Variants in EXD1 observed in about 807,000 individuals in gnomAD.
The protein encoded by EXD1 is exonuclease 3'-5' domain containing 1.
A neutral mutation model predicts 49.1 loss-of-function variants in EXD1; 63 were observed. The observed-to-expected ratio is 1.28, with a 90% CI of 1.05 to 1.58. The LOEUF is 1.58. Ranked by LOEUF, EXD1 falls within the 40% of genes most tolerant of loss-of-function variation. The pLI is 0.00. For missense variants in EXD1, 748 were observed against 666.0 expected, an observed-to-expected ratio of 1.12 and a Z score of -1.36; for synonymous variants, 234 against 239.2, an observed-to-expected ratio of 0.98 and a Z score of 0.20.
At chr15:41,226,668 T>G in intron 1 of EXD1, 40 bp from the exon 2 acceptor site, 1 of 1,425,906 alleles carries the variant, frequency 7.0e-7, no homozygotes, top group Non-Finnish European at 9.2e-7. Context: ...TTTAAAAGAT[T>G]TTTTGGGAGT....
chr15:41,203,931 A>AAAAAAAAC (rs1213967907), intron 7 of EXD1, among the ~76,000 whole-genome samples: 3 of 146,564 alleles, frequency 2.0e-5, no homozygotes, highest in East Asian at 4.0e-4. Context: ...AAAAAAAAAA[A>AAAAAAAAC]AAAAAAAAAA....
chr15:41,226,759 T>C, intron 1 of EXD1, 131 bp from the exon 2 acceptor site: 1 of 764,688 alleles, frequency 1.3e-6, no homozygotes, highest in South Asian at 2.7e-5. Flanking sequence ...CTTTTTGGAA[T>C]GATGAGAAAA....
chr15:41,189,093 C>T (rs1226678762), intron 11 of EXD1, among the ~76,000 whole-genome samples: 1 of 152,000 alleles, frequency 6.6e-6, no homozygotes, highest in Non-Finnish European at 1.5e-5. Context: ...GGAGGCCAAG[C>T]ACGGTGGCTT....
intron 10 of EXD1, among the ~76,000 whole-genome samples, chr15:41,190,844 C>G (rs2046502414): frequency 6.6e-6 from 1 of 152,164 alleles, no homozygotes; most frequent in Non-Finnish European, 1.5e-5. Flanking sequence ...TCAAAATTCT[C>G]ACAAAAATTT....
intron 11 of EXD1, among the ~76,000 whole-genome samples, chr15:41,185,111 C>T (rs2046388249): frequency 6.6e-6 from 1 of 152,150 alleles, no homozygotes; most frequent in African/African-American, 2.4e-5. Context: ...GGCTGTGTGT[C>T]TCTGTGTGTA....
intron 9 of EXD1, among the ~76,000 whole-genome samples, chr15:41,195,348 T>C (rs28459903): frequency 0.12 from 18,726 of 152,148 alleles, 1,351 homozygotes; most frequent in South Asian, 0.27. Context: ...TTGGGGGGCA[T>C]ATGCAGGACG....
intron 3 of EXD1, 174 bp downstream of exon 3, chr15:41,219,656 G>A: frequency 1.9e-6 from 1 of 534,200 alleles, no homozygotes; most frequent in Non-Finnish European, 3.2e-6. Flanking sequence ...AAACCAAAAT[G>A]ATTATAATTC....
chr15:41,184,544 TG>T lies in EXD1; in HGVS notation c.1105del (p.Gln369ArgfsTer14). ...TGCAGCTTTCTCCCTGCGCTGCTTC[TG>T]GAAGTCCTTGAGTTGAAGCAGTTCC... ...PEELLQLKDF[Q>X]KQRREKAARE... On this transcript the variant is annotated frameshift_variant, in exon 12 of 12. Transcript: ENST00000458580. LOFTEE classifies it low-confidence loss of function (END_TRUNC). 6.2e-7 allele frequency: 1 copy of T among 1,609,262 alleles called. No individual in the cohort carries two copies.
intron 2 of EXD1, among the ~76,000 whole-genome samples, chr15:41,225,750 T>C: frequency 6.6e-6 from 1 of 151,742 alleles, no homozygotes; most frequent in Non-Finnish European, 1.5e-5. Context: ...TAGATAGGCA[T>C]GGTGGTGTGT....
At chr15:41,218,233 C>T (rs1277108692) in intron 3 of EXD1, among the ~76,000 whole-genome samples, 1 of 152,010 alleles carries the variant, frequency 6.6e-6, no homozygotes, top group Non-Finnish European at 1.5e-5. Flanking sequence ...GCCTGTAATC[C>T]CAGCACTTTG....
At chr15:41,201,698 C>T (rs1382628307) in intron 7 of EXD1, among the ~76,000 whole-genome samples, 1 of 151,946 alleles carries the variant, frequency 6.6e-6, no homozygotes, top group Non-Finnish European at 1.5e-5. Flanking sequence ...CCATATTGGC[C>T]AGGCTGGTCT....
chr15:41,203,205 C>T (rs186640868), intron 7 of EXD1, among the ~76,000 whole-genome samples: 2 of 152,132 alleles, frequency 1.3e-5, no homozygotes, highest in South Asian at 2.1e-4. Context: ...GAGCTGGAAA[C>T]AGGGGAATGG....
chr15:41,206,850 G>T (rs2046832772), intron 7 of EXD1, among the ~76,000 whole-genome samples: 1 of 137,230 alleles, frequency 7.3e-6, no homozygotes, highest in Admixed American at 8.1e-5. Flanking sequence ...TCAAACCCCT[G>T]ACCTTGTGAT....
At chr15:41,220,340 G>A (rs986610092) in intron 2 of EXD1, among the ~76,000 whole-genome samples, 7 of 151,188 alleles carry the variant, frequency 4.6e-5, no homozygotes, top group African/African-American at 1.5e-4. Flanking sequence ...GCGCAATCTC[G>A]GCTCACTGCA....
Position 41,191,545 on chromosome 15 carries a change from T to G in EXD1, c.761A>C (p.Tyr254Ser). 6.2e-7 allele frequency: 1 copy of G among 1,614,092 alleles called. No homozygotes were observed. Among genetic ancestry groups the G allele is most frequent in the Non-Finnish European group, 8.5e-7 (1 of 1,180,010 alleles). The change falls in exon 10 of 12, where the codon TAT (tyrosine) becomes TCT (serine). Residue 254 changes from tyrosine (Y) to serine (S), a missense_variant. Physicochemically the swap from Tyr to Ser is moderately radical, Grantham distance 144. Coordinates refer to ENST00000458580, the MANE Select transcript of EXD1 (RefSeq NM_001286441.2). ...VLQFSMETGG[Y>S]LPNCITTLQE... ...CAAAGTAGTGATGCAGTTTGGAAGA[T>G]AGCCACCCGTTTCCATGGAAAACTG... is the stretch of plus-strand genomic sequence containing the variant.
intron 6 of EXD1, among the ~76,000 whole-genome samples, chr15:41,209,979 C>T (rs1350414492): frequency 6.6e-6 from 1 of 152,166 alleles, no homozygotes; most frequent in East Asian, 1.9e-4. Flanking sequence ...ACGATCTTGA[C>T]TTGCAACCTC....
chr15:41,204,788 A>C (rs958710056), intron 7 of EXD1, among the ~76,000 whole-genome samples: 1 of 152,140 alleles, frequency 6.6e-6, no homozygotes, highest in African/African-American at 2.4e-5. Flanking sequence ...ACACATACAC[A>C]CACATATAGA....
intron 3 of EXD1, 63 bp from the exon 4 acceptor site, chr15:41,217,217 T>C: frequency 7.6e-7 from 1 of 1,320,078 alleles, no homozygotes. Flanking sequence ...ACTACTCCAC[T>C]ACCCACACAC....
At position 41,217,220 on chromosome 15, in the gene EXD1, C is replaced by A. The variant is rs1036004855; in HGVS notation, c.203-66G>T. The stretch of plus-strand genomic sequence containing the variant: ...AGAAATCAATTAACTACTCCACTAC[C>A]CACACACCCCTAGTTTAACCATGTA... On this transcript the variant is annotated intron_variant, in intron 3 of 11. Coordinates refer to ENST00000458580, the MANE Select transcript of EXD1 (RefSeq NM_001286441.2). 5 of 1,300,952 alleles carry A rather than the reference C, an allele frequency of 3.8e-6. No individual in the cohort carries two copies. The Admixed American group carries it at 5.3e-5, about 14-fold the overall frequency. The allele number at this position is 1,300,952 out of a possible 1,614,324, so 80.6% of individuals were successfully genotyped here.
Sources: allele counts gnomAD v4.1 joint callset (sites outside exome capture counted in the v4.1 genomes callset), GRCh38; gene constraint gnomAD v4.1.1; transcripts MANE v1.5; gene names NCBI Gene and HGNC (gene_info 2026-07-23, HGNC 2026-07-21).